Variants in NPIPB2 observed in about 807,000 individuals in gnomAD.
The protein encoded by NPIPB2 is nuclear pore complex interacting protein family member B2.
In NPIPB2, 27 loss-of-function variants were observed where a neutral mutation model predicts 30.8. The ratio of observed to expected loss-of-function variants is 0.88; its 90% confidence interval spans 0.65 to 1.21. NPIPB2 has a LOEUF of 1.21. NPIPB2 is among the 50% of genes most tolerant of loss of function. The pLI is 0.00. For missense variants in NPIPB2, 440 were observed against 446.2 expected (o/e 0.99, Z 0.13); for synonymous variants, 147 against 162.0 (o/e 0.91, Z 0.70).
At chr16:11,935,219 T>G (rs542396931) in intron 2 of NPIPB2, among the ~76,000 whole-genome samples, 91 of 151,610 alleles carry the variant, frequency 6.0e-4, no homozygotes, top group East Asian at 1.7e-3. Context: ...TTTAATCTTC[T>G]AAGATATTAA....
chr16:11,946,656 C>G (rs1425177769), upstream of NPIPB2, among the ~76,000 whole-genome samples: 1 of 151,994 alleles, frequency 6.6e-6, no homozygotes, highest in African/African-American at 2.4e-5. Context: ...AGTGGTGAGG[C>G]TATGGAGAAA....
intron 1 of NPIPB2, among the ~76,000 whole-genome samples, chr16:11,966,594 A>G (rs2055196179): frequency 6.6e-6 from 1 of 152,202 alleles, no homozygotes; most frequent in Non-Finnish European, 1.5e-5. Flanking sequence ...TGAAAGTACT[A>G]AGGCTTTCTT....
chr16:11,960,259 G>A (rs1003922975), intron 1 of NPIPB2, among the ~76,000 whole-genome samples: 3 of 151,950 alleles, frequency 2.0e-5, no homozygotes, highest in Admixed American at 2.0e-4. Flanking sequence ...TTAAGTACCT[G>A]AGCAAGTATA....
intron 7 of NPIPB2, 45 bp from the exon 8 acceptor site, chr16:11,927,924 T>C: frequency 1.2e-6 from 1 of 839,296 alleles, no homozygotes; most frequent in Non-Finnish European, 1.8e-6. Context: ...ATTCATTTGA[T>C]GGACAAAATT....
intron 1 of NPIPB2, among the ~76,000 whole-genome samples, chr16:11,947,239 A>G (rs1358820264): frequency 6.8e-6 from 1 of 147,688 alleles, no homozygotes; most frequent in Non-Finnish European, 1.5e-5. Context: ...GTGAGCCACC[A>G]TGCCCAGCCA....
intron 1 of NPIPB2, among the ~76,000 whole-genome samples, chr16:11,952,175 C>CAAAAAAAAAAAAAAACAAAAAAAAA (rs112970450): frequency 2.3e-5 from 3 of 128,844 alleles, no homozygotes; most frequent in Admixed American, 8.5e-5. Context: ...AAAAACAAAA[C>CAAAAAAAAAAAAAAACAAAAAAAAA]AAAAAAAAAA....
chr16:11,933,250 C>T (rs1192093973), intron 4 of NPIPB2, among the ~76,000 whole-genome samples: 1 of 147,198 alleles, frequency 6.8e-6, no homozygotes, highest in Admixed American at 7.0e-5. Flanking sequence ...AAAGCTCCAT[C>T]TCAGGAAAAA....
chr16:11,927,526 T>C lies in NPIPB2; in HGVS notation c.1041A>G (p.Glu347=), dbSNP rs552215023. 1.8e-3 allele frequency: 2,878 copies of C among 1,589,302 alleles called. 79 individuals carry two copies. The South Asian group carries it at 0.03, about 17-fold the overall frequency. Residue 347 remains glutamate, a synonymous_variant, in exon 8 of 8, where the codon GAA becomes GAG. Transcript: ENST00000399147. ...TCCGCCTCTTGGGTTCGGGTGGTGATTCCATCTCAGCCGCTCTCCACCTCT... is the reference window on the plus strand; with the variant it reads ...TCCGCCTCTTGGGTTCGGGTGGTGACTCCATCTCAGCCGCTCTCCACCTCT...
At chr16:11,947,757 C>G (rs1182114897) in intron 1 of NPIPB2, among the ~76,000 whole-genome samples, 2 of 151,582 alleles carry the variant, frequency 1.3e-5, no homozygotes, top group Non-Finnish European at 2.9e-5. Context: ...ATGCCTCTGA[C>G]AAATTACCCC....
upstream of NPIPB2, chr16:11,942,134 G>A: frequency 6.5e-7 from 1 of 1,532,292 alleles, no homozygotes; most frequent in South Asian, 1.2e-5. Context: ...AGGAACAAAT[G>A]TACGTACATT....
intron 1 of NPIPB2, among the ~76,000 whole-genome samples, chr16:11,947,652 A>T (rs4780406): frequency 0.022 from 3,321 of 151,984 alleles, 63 homozygotes; most frequent in African/African-American, 0.048. Context: ...CCACATATAC[A>T]TATTTTAAAG....
chr16:11,974,882 G>C (rs2055260053), intron 1 of NPIPB2, among the ~76,000 whole-genome samples: 1 of 152,020 alleles, frequency 6.6e-6, no homozygotes, highest in Non-Finnish European at 1.5e-5. Flanking sequence ...GACCATCCTG[G>C]CTAACACGTT....
intron 1 of NPIPB2, among the ~76,000 whole-genome samples, chr16:11,951,737 C>T (rs553714983): frequency 3.5e-4 from 53 of 151,596 alleles, no homozygotes; most frequent in African/African-American, 1.2e-3. Context: ...GATAGAAACC[C>T]CTGGAGTAGG....
chr16:11,938,158 A>G (rs949448640), intron 1 of NPIPB2, among the ~76,000 whole-genome samples: 1 of 151,802 alleles, frequency 6.6e-6, no homozygotes, highest in Non-Finnish European at 1.5e-5. Flanking sequence ...AGCTGAGATT[A>G]CAGGTCTCTG....
At chr16:11,967,570 G>T (rs750572444) in intron 1 of NPIPB2, 10 of 1,609,822 alleles carry the variant, frequency 6.2e-6, no homozygotes, top group South Asian at 4.4e-5. Flanking sequence ...ACATAATTAG[G>T]ATCAGGTCTC....
intron 2 of NPIPB2, among the ~76,000 whole-genome samples, chr16:11,935,389 C>T (rs1421684160): frequency 1.3e-5 from 2 of 152,110 alleles, no homozygotes; most frequent in Non-Finnish European, 1.5e-5. Context: ...CCTTGGCTCA[C>T]GGCAACCTCC....
intron 1 of NPIPB2, among the ~76,000 whole-genome samples, chr16:11,971,137 A>AT (rs779607030): frequency 6.6e-6 from 1 of 151,760 alleles, no homozygotes; most frequent in Non-Finnish European, 1.5e-5. Context: ...GATTACAGGC[A>AT]TAAGCCACCA....
At chr16:11,958,718 G>A (rs1349551986) in intron 1 of NPIPB2, among the ~76,000 whole-genome samples, 1 of 152,138 alleles carries the variant, frequency 6.6e-6, no homozygotes, top group Non-Finnish European at 1.5e-5. Flanking sequence ...TCCTGCCTGG[G>A]TAACAGAGTG....
In NPIPB2 at chr16:11,930,304, T is replaced by C. The variant is rs2054774162; in HGVS notation, c.590+146A>G. ...TATTAAGGTACTTTGTTTTCTGTTT[T>C]GTGAACTCTCTCTCTCTCTCACGAT... On this transcript the variant is annotated intron_variant, in intron 5 of 7. Transcript: ENST00000399147. 3 of 786,496 alleles carry C rather than the reference T, an allele frequency of 3.8e-6. No homozygotes were observed. In the East Asian group the frequency reaches 8.2e-5, roughly 22 times the overall value. The allele number at this position is 786,496 out of a possible 1,614,324, so 48.7% of individuals were successfully genotyped here.
Sources: allele counts gnomAD v4.1 joint callset (sites outside exome capture counted in the v4.1 genomes callset), GRCh38; gene constraint gnomAD v4.1.1; transcripts MANE v1.5; gene names NCBI Gene and HGNC (gene_info 2026-07-23, HGNC 2026-07-21).